The following COA6 variants were observed in gnomAD, a reference collection of about 807,000 sequenced individuals.
COA6 encodes the protein cytochrome c oxidase assembly factor 6.
Under a neutral mutation model 17.1 loss-of-function variants are expected in COA6, and 12 were observed. The observed-to-expected ratio is 0.70, with a 90% CI of 0.45 to 1.14. The LOEUF (loss-of-function observed/expected upper bound fraction) is 1.14, where lower values mean the gene tolerates loss of function less well. Ranked by LOEUF, COA6 falls within the 50% of genes most tolerant of loss-of-function variation. The pLI is 0.00. For synonymous variants in COA6, 90 were observed against 73.4 expected, an observed-to-expected ratio of 1.23 and a Z score of -1.16; for missense variants, 246 against 196.5, an observed-to-expected ratio of 1.25 and a Z score of -1.51.
intron 2 of COA6, among the ~76,000 whole-genome samples, chr1:234,376,165 C>T (rs1397619000): frequency 1.3e-5 from 2 of 152,176 alleles, no homozygotes; most frequent in African/African-American, 2.4e-5. Context: ...GAGAGGAACT[C>T]CAGGTTTAAG....
rs1491313931 is a variant in COA6, at chr1:234,384,705, T to TGTGGGTTCTGCATCC, written c.*888_*902dup. ...ATGGAGAGGTATACAGTTGGCCCTC[T>TGTGGGTTCTGCATCC]GTGGGTTCTGCATCCATGGATTCAA... On this transcript the variant is annotated 3_prime_UTR_variant, in exon 3 of 3. Coordinates refer to ENST00000366615, the MANE Select transcript of COA6 (RefSeq NM_001206641.3). 6.6e-6 allele frequency among the ~76,000 whole-genome samples: 1 copy of TGTGGGTTCTGCATCC among 152,218 alleles called. No homozygotes were observed. The highest frequency in any genetic ancestry group is 1.5e-5 in the Non-Finnish European group (1 of 68,034).
Position 234,373,678 on chromosome 1 carries a change from G to A in COA6, c.212G>A (p.Ser71Asn), listed in dbSNP as rs139013034. The change falls in exon 1 of 3, where the codon AGC becomes AAC. Residue 71 changes from serine (S) to asparagine (N), a missense_variant and splice_region_variant. Ser to Asn is a conservative substitution (Grantham distance 46). Coordinates refer to ENST00000366615, the MANE Select transcript of COA6 (RefSeq NM_001206641.3). ...RKEAGRGRAE[S>N]FIAVGMAAPS... is the part of the protein sequence containing the mutation. Reference sequence around the variant, plus strand: ...GAAGCCGGACGTGGGCGGGCAGAGAGGTCGGCTTGCTGATGGGTCCGGGTG... The same window carrying A: ...GAAGCCGGACGTGGGCGGGCAGAGAAGTCGGCTTGCTGATGGGTCCGGGTG... The A allele has an allele frequency of 5.0e-6, 8 of 1,612,900 alleles. No homozygotes were observed. Among genetic ancestry groups the A allele is most frequent in the Admixed American group, 3.3e-5 (2 of 59,984 alleles).
intron 2 of COA6, among the ~76,000 whole-genome samples, chr1:234,378,157 G>T (rs1658865043): frequency 2.0e-5 from 3 of 152,138 alleles, no homozygotes; most frequent in Admixed American, 2.0e-4. Flanking sequence ...CACATAACCT[G>T]CCCATTTTAA....
intron 2 of COA6, among the ~76,000 whole-genome samples, chr1:234,381,949 A>T (rs886723201): frequency 6.6e-6 from 1 of 152,226 alleles, no homozygotes; most frequent in Admixed American, 6.5e-5. Flanking sequence ...GGCAATGTCC[A>T]CTTCTTCCTT....
chr1:234,383,682 C>T, intron 2 of COA6, 41 bp from the exon 3 acceptor site: 1 of 814,792 alleles, frequency 1.2e-6, no homozygotes, highest in Non-Finnish European at 2.1e-6. Flanking sequence ...ATCTAAGCTG[C>T]ATAACTTGCC....
chr1:234,374,463 A>G, intron 2 of COA6, 74 bp downstream of exon 2: 2 of 1,468,076 alleles, frequency 1.4e-6, no homozygotes, highest in Non-Finnish European at 9.4e-7. Flanking sequence ...GTAGGCTGAC[A>G]TGAAGCGCTC....
In COA6 at chr1:234,373,895, A is replaced by G; in HGVS notation, c.212+217A>G. The G allele has an allele frequency of 3.8e-6, 6 of 1,580,972 alleles. No individual in the cohort carries two copies. In the South Asian group the frequency reaches 6.7e-5, roughly 18 times the overall value. Reference sequence around the variant, plus strand: ...CTGCTGTCCCCGCTTTACTGGTGGGAAACGGGCTCGGAGAGAATAAATGAG... The same window carrying G: ...CTGCTGTCCCCGCTTTACTGGTGGGGAACGGGCTCGGAGAGAATAAATGAG... On this transcript the variant is annotated intron_variant, in intron 1 of 2. Coordinates refer to ENST00000366615, the MANE Select transcript of COA6 (RefSeq NM_001206641.3).
In COA6 at chr1:234,373,649, A is replaced by G; in HGVS notation, c.183A>G (p.Arg61=). ...ACVTVSSRRH[R]KEAGRGRAES... ...TGACAGTTTCCTCCCGTCGACATCG[A>G]AAGGAAGCCGGACGTGGGCGGGCAG... The change falls in exon 1 of 3, where the codon CGA becomes CGG. Residue 61 remains arginine, a synonymous_variant. Transcript: ENST00000366615. The G allele has an allele frequency of 6.2e-7, 1 of 1,613,120 alleles. No homozygotes were observed. Among genetic ancestry groups the G allele is most frequent in the Non-Finnish European group, 8.5e-7 (1 of 1,179,354 alleles).
rs573614211 is a variant in COA6 at position 234,382,940 on chromosome 1, G to A, written c.373-783G>A. Reference sequence around the variant, plus strand: ...GAGAATAGCTTGAACCTGGGAGGCGGACGTTGCAGTGAGCCGAGATTGCTC... The same window carrying A: ...GAGAATAGCTTGAACCTGGGAGGCGAACGTTGCAGTGAGCCGAGATTGCTC... On this transcript the variant is annotated intron_variant, in intron 2 of 2. Coordinates refer to ENST00000366615, the MANE Select transcript of COA6 (RefSeq NM_001206641.3). Among the ~76,000 whole-genome samples the A allele has an allele frequency of 2.6e-3, 388 of 151,804 alleles. 2 individuals are homozygous for A. The highest frequency in any genetic ancestry group is 4.2e-3 in the South Asian group (20 of 4,800).
At chr1:234,380,176 C>T (rs923449108) in intron 2 of COA6, among the ~76,000 whole-genome samples, 1 of 152,196 alleles carries the variant, frequency 6.6e-6, no homozygotes, top group East Asian at 1.9e-4. Context: ...CACCTGTGCT[C>T]TCTTTTCAAG....
rs1228129364 is a variant in COA6, at chr1:234,380,414, GGTAAAATAATTT to G, written c.373-3306_373-3295del. On this transcript the variant is annotated intron_variant, in intron 2 of 2. Transcript: ENST00000366615. ...TACAATAGGAACTAAGGTTCAGAAA[GGTAAAATAATTT>G]GTCTTAGACCAGCCAACCAGTAAAG... 2.0e-5 allele frequency among the ~76,000 whole-genome samples: 3 copies of G among 152,122 alleles called. No individual in the cohort carries two copies. In the East Asian group the frequency reaches 5.8e-4, roughly 29 times the overall value.
At chr1:234,374,449 A>T in intron 2 of COA6, 60 bp downstream of exon 2, 1 of 1,555,252 alleles carries the variant, frequency 6.4e-7, no homozygotes, top group Non-Finnish European at 8.8e-7. Context: ...TTATACTGTG[A>T]GTGGTAGGCT....
intron 2 of COA6, among the ~76,000 whole-genome samples, chr1:234,377,287 C>T (rs1334715357): frequency 1.3e-5 from 2 of 151,866 alleles, no homozygotes; most frequent in African/African-American, 4.8e-5. Context: ...CCACCACACC[C>T]AGTTACTTTT....
chr1:234,383,064 G>GAGGGAAGGAAGGAAGGGA (rs369256610), intron 2 of COA6, among the ~76,000 whole-genome samples: 2 of 112,522 alleles, frequency 1.8e-5, no homozygotes, highest in Non-Finnish European at 1.9e-5. Flanking sequence ...GGGAGGGAGG[G>GAGGGAAGGAAGGAAGGGA]AGGGAAGGGA....
chr1:234,377,095 A>C (rs1331646135), intron 2 of COA6, among the ~76,000 whole-genome samples: 1 of 53,804 alleles, frequency 1.9e-5, no homozygotes, highest in East Asian at 6.0e-4. Context: ...AGAGAGAGAG[A>C]GAGAGATCCA....
At chr1:234,383,321 A>G (rs79583708) in intron 2 of COA6, among the ~76,000 whole-genome samples, 2 of 149,350 alleles carry the variant, frequency 1.3e-5, no homozygotes, top group African/African-American at 2.5e-5. Context: ...CCTCAATTCA[A>G]AATGGTTCTA....
chr1:234,374,495 G>A, intron 2 of COA6, 106 bp downstream of exon 2: 1 of 1,169,686 alleles, frequency 8.5e-7, no homozygotes, highest in South Asian at 1.4e-5. Context: ...TCAATTAACA[G>A]TTTCTTTGAG....
chr1:234,376,770 C>T (rs1283248824), intron 2 of COA6, among the ~76,000 whole-genome samples: 1 of 152,126 alleles, frequency 6.6e-6, no homozygotes, highest in Non-Finnish European at 1.5e-5. Context: ...GTCTAGCAGC[C>T]GCTGCTCTTT....
At chr1:234,374,487 A>C in intron 2 of COA6, 98 bp downstream of exon 2, 2 of 1,252,754 alleles carry the variant, frequency 1.6e-6, no homozygotes, top group Non-Finnish European at 2.3e-6. Context: ...GAGGCATGTC[A>C]ATTAACAGTT....
Sources: allele counts gnomAD v4.1 joint callset (sites outside exome capture counted in the v4.1 genomes callset), GRCh38; gene constraint gnomAD v4.1.1; transcripts MANE v1.5; gene names NCBI Gene and HGNC (gene_info 2026-07-23, HGNC 2026-07-21).